NEO1: variants seen among roughly 807,000 people sequenced by gnomAD.
NEO1 encodes neogenin.
In NEO1, 63 loss-of-function variants were observed where a neutral mutation model predicts 159.7. That is an observed-to-expected ratio of 0.39 (90% CI 0.32 to 0.49). The LOEUF (loss-of-function observed/expected upper bound fraction) is 0.49, where lower values mean the gene tolerates loss of function less well. Ranked by LOEUF, NEO1 falls within the 20% of genes least tolerant of loss-of-function variation. The pLI is 0.85. For synonymous variants in NEO1, 633 were observed against 662.0 expected (o/e 0.96, Z 0.67); for missense variants, 1,615 against 1,831.0 (o/e 0.88, Z 2.15).
intron 1 of NEO1, among the ~76,000 whole-genome samples, chr15:73,087,815 T>C (rs1364905605): frequency 6.6e-6 from 1 of 152,170 alleles, no homozygotes; most frequent in Non-Finnish European, 1.5e-5. Context: ...TGGGTATATA[T>C]TTAAAACAAA....
At chr15:73,244,979 A>AAAAAAAAAAAAAAC in intron 9 of NEO1, among the ~76,000 whole-genome samples, 1 of 141,294 alleles carries the variant, frequency 7.1e-6, no homozygotes, top group East Asian at 2.3e-4. Context: ...AAAAAAAAAA[A>AAAAAAAAAAAAAAC]AAAACAACAG....
intron 21 of NEO1, among the ~76,000 whole-genome samples, chr15:73,277,162 A>G (rs2041460129): frequency 1.3e-5 from 2 of 152,240 alleles, no homozygotes; most frequent in South Asian, 2.1e-4. Context: ...CAGTCTGTCT[A>G]TTAAACAATG....
intron 1 of NEO1, among the ~76,000 whole-genome samples, chr15:73,104,070 C>T (rs969337801): frequency 5.9e-5 from 9 of 152,106 alleles, no homozygotes. Context: ...CTGTTTTGCT[C>T]AGGCTGGTCT....
chr15:73,055,787 T>G (rs2067665735), intron 1 of NEO1, among the ~76,000 whole-genome samples: 1 of 152,198 alleles, frequency 6.6e-6, no homozygotes, highest in Non-Finnish European at 1.5e-5. Context: ...TGGATTTGTC[T>G]TCTTGTGTTG....
intron 5 of NEO1, among the ~76,000 whole-genome samples, chr15:73,152,158 T>C (rs1198860640): frequency 6.6e-6 from 1 of 152,200 alleles, no homozygotes; most frequent in East Asian, 1.9e-4. Flanking sequence ...ATATCTCCCA[T>C]AGCCTTTGTT....
chr15:73,070,964 C>G (rs1020066315), intron 1 of NEO1, among the ~76,000 whole-genome samples: 5 of 152,082 alleles, frequency 3.3e-5, no homozygotes, highest in Non-Finnish European at 7.4e-5. Flanking sequence ...TGAAGTGATT[C>G]TTTTTAAAAA....
chr15:73,070,361 T>C (rs1180031423), intron 1 of NEO1, among the ~76,000 whole-genome samples: 1 of 152,234 alleles, frequency 6.6e-6, no homozygotes, highest in African/African-American at 2.4e-5. Flanking sequence ...TTGAGAGATA[T>C]CATGAACTAT....
At chr15:73,145,537 A>G (rs557859023) in intron 5 of NEO1, among the ~76,000 whole-genome samples, 8 of 152,356 alleles carry the variant, frequency 5.3e-5, no homozygotes, top group South Asian at 2.1e-4. Context: ...TAAATGCCCA[A>G]AAATAGGTGA....
chr15:73,290,797 G>A (rs1225042389), intron 25 of NEO1, among the ~76,000 whole-genome samples: 1 of 152,090 alleles, frequency 6.6e-6, no homozygotes, highest in East Asian at 1.9e-4. Context: ...AACAAACGAT[G>A]CGATTTAATA....
intron 7 of NEO1, among the ~76,000 whole-genome samples, chr15:73,195,913 A>G (rs139277553): frequency 8.1e-4 from 123 of 152,338 alleles, no homozygotes; most frequent in African/African-American, 2.7e-3. Flanking sequence ...GGACTTCTGC[A>G]TCTTAAAAAA....
chr15:73,301,461 A>C lies in NEO1; in HGVS notation c.4302+4A>C. 1 of 1,614,098 alleles carries C rather than the reference A, an allele frequency of 6.2e-7. No individual in the cohort carries two copies. Among genetic ancestry groups the C allele is most frequent in the Non-Finnish European group, 8.5e-7 (1 of 1,180,008 alleles). On this transcript the variant is annotated splice_donor_region_variant and intron_variant, in intron 28 of 28. Coordinates refer to ENST00000261908, the MANE Select transcript of NEO1 (RefSeq NM_002499.4). ...GATGTTGGAAGACTCCGAGAGTGTA[A>C]GTTCGTGGGGCCATCAGTCCAGCCA...
In NEO1 at chr15:73,249,172, A is replaced by C. The variant is rs3736510; in HGVS notation, c.1719A>C (p.Lys573Asn). 1.2e-6 allele frequency: 2 copies of C among 1,613,740 alleles called. No homozygotes were observed. Among genetic ancestry groups the C allele is most frequent in the Non-Finnish European group, 1.7e-6 (2 of 1,179,880 alleles). Reference protein sequence around the residue: ...VSGNGEIQNYKLYYMEKGTDK... With the variant: ...VSGNGEIQNYNLYYMEKGTDK... ...GCAATGGGGAAATTCAGAATTATAA[A>C]TTGTACTACATGGAAAAGGGGACTG... is the stretch of plus-strand genomic sequence containing the variant. Residue 573 changes from lysine (K) to asparagine (N), a missense_variant, in exon 10 of 29, where the codon AAA (lysine) becomes AAC (asparagine). Transcript: ENST00000261908.
intron 7 of NEO1, among the ~76,000 whole-genome samples, chr15:73,190,903 T>G (rs758744084): frequency 2.6e-5 from 4 of 152,036 alleles, no homozygotes; most frequent in Admixed American, 6.6e-5. Context: ...ATTCTGTGAT[T>G]TTTTATTTTC....
chr15:73,125,937 C>G (rs972919695), intron 3 of NEO1, among the ~76,000 whole-genome samples: 10 of 152,176 alleles, frequency 6.6e-5, no homozygotes, highest in African/African-American at 2.4e-4. Context: ...CTTGCTCAGT[C>G]TCCACTGTTT....
intron 26 of NEO1, among the ~76,000 whole-genome samples, chr15:73,296,835 G>A (rs574593996): frequency 6.8e-4 from 104 of 152,284 alleles, no homozygotes; most frequent in Non-Finnish European, 1.3e-3. Context: ...GTGGAATGGC[G>A]TAAGATTTCA....
At chr15:73,245,571 G>A (rs1336554944) in intron 9 of NEO1, among the ~76,000 whole-genome samples, 2 of 151,322 alleles carry the variant, frequency 1.3e-5, no homozygotes, top group Non-Finnish European at 2.9e-5. Context: ...TTTTTCCTCA[G>A]TGTATTCTTT....
intron 7 of NEO1, among the ~76,000 whole-genome samples, chr15:73,190,336 A>C (rs1399863912): frequency 6.6e-6 from 1 of 152,138 alleles, no homozygotes; most frequent in African/African-American, 2.4e-5. Flanking sequence ...ATAATTGCCA[A>C]ATTTTAGTTC....
At chr15:73,165,455 A>T (rs993371641) in intron 5 of NEO1, among the ~76,000 whole-genome samples, 1 of 152,206 alleles carries the variant, frequency 6.6e-6, no homozygotes, top group African/African-American at 2.4e-5. Context: ...CCAACTGTAG[A>T]ACAGTAGGGA....
At chr15:73,239,680 C>T (rs919274067) in intron 8 of NEO1, among the ~76,000 whole-genome samples, 6 of 152,180 alleles carry the variant, frequency 3.9e-5, no homozygotes. Flanking sequence ...CTATCCCATA[C>T]AGCCTAGGTG....
Sources: gnomAD v4.1 joint callset for allele counts (sites outside exome capture counted in the v4.1 genomes callset) on GRCh38, gnomAD v4.1.1 for gene constraint, MANE v1.5 for transcripts, NCBI Gene and HGNC (gene_info 2026-07-23, HGNC 2026-07-21) for gene names.